RAB2B: variants seen among roughly 807,000 people sequenced by gnomAD.
The protein encoded by RAB2B is RAB2B, member RAS oncogene family.
RAB2B carries 20 observed loss-of-function variants against 29.8 expected under a neutral mutation model. That is an observed-to-expected ratio of 0.67 (90% CI 0.47 to 0.97). The LOEUF is 0.97. Among genes scored for constraint, RAB2B ranks in the 50% least tolerant of loss-of-function variants. The pLI is 0.00. For missense variants in RAB2B, 218 were observed against 272.0 expected (o/e 0.80, Z 1.40); for synonymous variants, 93 against 91.7 (o/e 1.01, Z -0.08).
At chr14:21,475,230 C>G (rs1038687621) in intron 2 of RAB2B, among the ~76,000 whole-genome samples, 1 of 152,118 alleles carries the variant, frequency 6.6e-6, no homozygotes, top group Non-Finnish European at 1.5e-5. Flanking sequence ...ACTTTTTTAG[C>G]AATGTTAGGT....
At position 21,460,152 on chromosome 14, in the gene RAB2B, A is replaced by G. The variant is rs943216130; in HGVS notation, c.*1044T>C. On this transcript the variant is annotated 3_prime_UTR_variant, in exon 8 of 8. Transcript: ENST00000397762. ...AAGTGGCAAGCAGACACCCAAAGGCAAGGAAGAAAAAAACTCAATGAAATT... is the reference window on the plus strand; with the variant it reads ...AAGTGGCAAGCAGACACCCAAAGGCGAGGAAGAAAAAAACTCAATGAAATT... The G allele has an allele frequency of 3.9e-6, 2 of 518,834 alleles. No individual in the cohort carries two copies. The highest frequency in any genetic ancestry group is 7.7e-6 in the Non-Finnish European group (2 of 259,856). 32.1% of individuals were successfully genotyped at this position (518,834 alleles called of 1,614,324 possible). A position where few individuals can be genotyped will look rare whatever the true frequency, so the allele number is the denominator to read the frequency against.
chr14:21,468,448 G>A lies in RAB2B; in HGVS notation c.271C>T (p.Arg91Cys), dbSNP rs773591681. ...GALLVYDITR[R>C]ETFNHLTSWL... Reference sequence around the variant, plus strand: ...GAGGTCAGGTGGTTGAAGGTTTCACGCCTACAGCAGAAAAATTTAGAATGT... The same window carrying A: ...GAGGTCAGGTGGTTGAAGGTTTCACACCTACAGCAGAAAAATTTAGAATGT... Residue 91 changes from arginine (R) to cysteine (C), a missense_variant and splice_region_variant, in exon 5 of 8, where the codon CGT becomes TGT. By Grantham distance (180) the Arg-to-Cys change is radical. Transcript: ENST00000397762. The A allele has an allele frequency of 7.4e-6, 12 of 1,613,464 alleles. No individual in the cohort carries two copies. Among genetic ancestry groups the A allele is most frequent in the Admixed American group, 1.7e-5 (1 of 59,978 alleles).
chr14:21,461,167 G>A lies in RAB2B; in HGVS notation c.*29C>T. ...GCCTATTGATCTGAAGCTATTCCAG[G>A]AAGGACAAAAAAAGTTCAAGCCAGA... On this transcript the variant is annotated 3_prime_UTR_variant, in exon 8 of 8. Coordinates refer to ENST00000397762, the MANE Select transcript of RAB2B (RefSeq NM_032846.4). The A allele has an allele frequency of 6.7e-7, 1 of 1,501,864 alleles. No individual in the cohort carries two copies. The highest frequency in any genetic ancestry group is 9.2e-7 in the Non-Finnish European group (1 of 1,084,020). The allele number at this position is 1,501,864 out of a possible 1,614,324, so 93.0% of individuals were successfully genotyped here.
In RAB2B at chr14:21,474,914, T is replaced by C; in HGVS notation, c.139A>G (p.Met47Val). 1 of 1,614,058 alleles carries C rather than the reference T, an allele frequency of 6.2e-7. No individual in the cohort carries two copies. Among genetic ancestry groups the C allele is most frequent in the Non-Finnish European group, 8.5e-7 (1 of 1,179,942 alleles). Residue 47 changes from methionine (M) to valine (V), a missense_variant, in exon 3 of 8, where the codon ATG becomes GTG. Met to Val is a conservative substitution (Grantham distance 21). Transcript: ENST00000397762. Reference protein sequence around the residue: ...LTIGVEFGARMVNIDGKQIKL... With the variant: ...LTIGVEFGARVVNIDGKQIKL... Reference sequence around the variant, plus strand: ...ATTTGTTTTCCATCAATGTTGACCATACGAGCTCCAAACTCCACACCTGTC... The same window carrying C: ...ATTTGTTTTCCATCAATGTTGACCACACGAGCTCCAAACTCCACACCTGTC...
intron 5 of RAB2B, 47 bp from the exon 6 acceptor site, chr14:21,463,814 G>T: frequency 8.3e-7 from 1 of 1,209,532 alleles, no homozygotes. Context: ...AGATCCAAGT[G>T]AAAGAGGAAA....
chr14:21,468,703 G>A lies in RAB2B; in HGVS notation c.236C>T (p.Ala79Val). The change falls in exon 4 of 8, where the codon GCA becomes GTA. Residue 79 changes from alanine (A) to valine (V), a missense_variant. Transcript: ENST00000397762. ...GTCGTACACCAGCAGTGCTCCAGCT[G>A]CTCCCCTGTAGTAGGAACGGGTGAT... The part of the protein sequence containing the change: ...RSITRSYYRG[A>V]AGALLVYDIT... 6.3e-7 allele frequency: 1 copy of A among 1,579,774 alleles called. No homozygotes were observed. Among genetic ancestry groups the A allele is most frequent in the Non-Finnish European group, 8.6e-7 (1 of 1,165,144 alleles).
At position 21,468,540 on chromosome 14, in the gene RAB2B, C is replaced by T. The variant is rs546074688; in HGVS notation, c.270-91G>A. 2.3e-5 allele frequency: 31 copies of T among 1,329,566 alleles called. No homozygotes were observed. Among genetic ancestry groups the T allele is most frequent in the Admixed American group, 2.1e-4 (11 of 52,420 alleles). The allele number at this position is 1,329,566 out of a possible 1,614,324, so 82.4% of individuals were successfully genotyped here. A position where few individuals can be genotyped will look rare whatever the true frequency, so the allele number is the denominator to read the frequency against. ...GTATACGAAAAGAGGGGAAGCCATA[C>T]GTGTAAAGAAAAATATTAGAGAGGC... On this transcript the variant is annotated intron_variant, in intron 4 of 7. Transcript: ENST00000397762.
intron 5 of RAB2B, among the ~76,000 whole-genome samples, chr14:21,464,987 A>G (rs549094414): frequency 6.6e-6 from 1 of 151,154 alleles, no homozygotes; most frequent in East Asian, 1.9e-4. Context: ...CAACAGCACG[A>G]GACCTTGTCG....
intron 5 of RAB2B, among the ~76,000 whole-genome samples, chr14:21,465,272 A>G (rs1177071102): frequency 1.3e-5 from 2 of 152,242 alleles, no homozygotes; most frequent in East Asian, 1.9e-4. Context: ...AGATTTGTAC[A>G]TTTGTGAATT....
rs1890734238 is a variant in RAB2B, at chr14:21,468,449, C to A, written c.270G>T (p.Arg90Ser). The A allele has an allele frequency of 6.2e-7, 1 of 1,613,584 alleles. No homozygotes were observed. The highest frequency in any genetic ancestry group is 1.3e-5 in the African/African-American group (1 of 74,828). The change falls in exon 5 of 8, where the codon AGG becomes AGT. Residue 90 changes from arginine to serine, a missense_variant and splice_region_variant. Transcript: ENST00000397762. Reference protein sequence around the residue: ...AGALLVYDITRRETFNHLTSW... With the variant: ...AGALLVYDITSRETFNHLTSW... Reference sequence around the variant, plus strand: ...AGGTCAGGTGGTTGAAGGTTTCACGCCTACAGCAGAAAAATTTAGAATGTG... The same window carrying A: ...AGGTCAGGTGGTTGAAGGTTTCACGACTACAGCAGAAAAATTTAGAATGTG...
At chr14:21,466,295 A>G (rs934454799) in intron 5 of RAB2B, among the ~76,000 whole-genome samples, 7 of 152,108 alleles carry the variant, frequency 4.6e-5, no homozygotes, top group African/African-American at 1.4e-4. Flanking sequence ...GACCAGCCTG[A>G]TCAACATGGA....
chr14:21,461,976 T>C (rs570032921), intron 7 of RAB2B, among the ~76,000 whole-genome samples: 3 of 152,222 alleles, frequency 2.0e-5, no homozygotes, highest in Non-Finnish European at 4.4e-5. Flanking sequence ...AGAAGTAGCA[T>C]ATGATTCTTT....
At chr14:21,474,739 CT>C in intron 3 of RAB2B, 127 bp downstream of exon 3, 2 of 713,462 alleles carry the variant, frequency 2.8e-6, no homozygotes, top group Non-Finnish European at 4.8e-6. Flanking sequence ...AAACTTCTCT[CT>C]TTGATTTCAC....
At chr14:21,465,143 G>A (rs1485164823) in intron 5 of RAB2B, among the ~76,000 whole-genome samples, 3 of 152,176 alleles carry the variant, frequency 2.0e-5, no homozygotes, top group Admixed American at 6.5e-5. Flanking sequence ...GACCATTAAA[G>A]AACAACAAAT....
Position 21,459,052 on chromosome 14 carries a change from A to C in RAB2B, c.*2144T>G, listed in dbSNP as rs1356167665. ...GATACATGCATATATTTAATAATGA[A>C]ACAATTCATCAACAGCAAAAAGAAA... On this transcript the variant is annotated 3_prime_UTR_variant, in exon 8 of 8. Coordinates refer to ENST00000397762, the MANE Select transcript of RAB2B (RefSeq NM_032846.4). 1 of 152,662 alleles carries C rather than the reference A, an allele frequency of 6.6e-6. No individual in the cohort carries two copies. Among genetic ancestry groups the C allele is most frequent in the Admixed American group, 6.5e-5 (1 of 15,278 alleles). 9.5% of individuals were successfully genotyped at this position (152,662 alleles called of 1,614,324 possible). A position where few individuals can be genotyped will look rare whatever the true frequency, so the allele number is the denominator to read the frequency against.
chr14:21,470,431 G>A (rs1566471455), intron 3 of RAB2B, among the ~76,000 whole-genome samples: 1 of 152,080 alleles, frequency 6.6e-6, no homozygotes, highest in Admixed American at 6.6e-5. Flanking sequence ...GGGTTTGTAG[G>A]TGAGAAGAGA....
chr14:21,461,575 CTT>C (rs952790875), intron 7 of RAB2B, among the ~76,000 whole-genome samples: 1 of 151,518 alleles, frequency 6.6e-6, no homozygotes, highest in Admixed American at 6.6e-5. Context: ...CTTTTGTGCA[CTT>C]TTTTTTTCCT....
intron 3 of RAB2B, among the ~76,000 whole-genome samples, chr14:21,469,642 T>C (rs1024421069): frequency 2.0e-5 from 3 of 152,220 alleles, no homozygotes; most frequent in Non-Finnish European, 4.4e-5. Flanking sequence ...CCCTGTACAT[T>C]GAATCTATCC....
In RAB2B at chr14:21,464,996, C is replaced by T. The variant is rs559163891; in HGVS notation, c.363-1229G>A. Among the ~76,000 whole-genome samples the T allele has an allele frequency of 4.1e-5, 6 of 146,184 alleles. No individual in the cohort carries two copies. In the East Asian group the frequency reaches 5.8e-4, roughly 14 times the overall value. On this transcript the variant is annotated intron_variant, in intron 5 of 7. Transcript: ENST00000397762. ...CCTGGGCAACAGCACGAGACCTTGTCGCAAAAAAAAAACAAAACCAAAAAA... is the reference window on the plus strand; with the variant it reads ...CCTGGGCAACAGCACGAGACCTTGTTGCAAAAAAAAAACAAAACCAAAAAA...
Sources: gnomAD v4.1 joint callset for allele counts (sites outside exome capture counted in the v4.1 genomes callset) on GRCh38, gnomAD v4.1.1 for gene constraint, MANE v1.5 for transcripts, NCBI Gene and HGNC (gene_info 2026-07-23, HGNC 2026-07-21) for gene names.